UBE2A: variants seen among roughly 807,000 people sequenced by gnomAD.
UBE2A encodes ubiquitin-conjugating enzyme E2 A.
For missense variants in UBE2A, 27 were observed against 125.8 expected (o/e 0.21, Z 3.76); for synonymous variants, 39 against 41.1 (o/e 0.95, Z 0.20).
In UBE2A at chrX:119,583,180, G is replaced by C; in HGVS notation, c.384G>C (p.Gln128His). ...PNSPANSQAA[Q>H]LYQENKREYE... The stretch of plus-strand genomic sequence containing the variant: ...GTCCAGCAAACAGCCAGGCTGCTCA[G>C]CTGTACCAGGAGAACAAACGGGAAT... Residue 128 changes from glutamine to histidine, a missense_variant, in exon 6 of 6, where the codon CAG becomes CAC. Coordinates refer to ENST00000371558, the MANE Select transcript of UBE2A (RefSeq NM_003336.4). 1.7e-6 allele frequency: 2 copies of C among 1,211,828 alleles called. No individual in the cohort carries two copies. Among genetic ancestry groups the C allele is most frequent in the Non-Finnish European group, 2.2e-6 (2 of 895,515 alleles).
Position 119,583,284 on chromosome X carries a change from A to T in UBE2A, c.*29A>T. ...CGGGTACAGTTTAAAGAAGCTGGCC[A>T]TAAGAAAAATATATATTGATGTGTT... On this transcript the variant is annotated 3_prime_UTR_variant, in exon 6 of 6. Transcript: ENST00000371558. 8.3e-7 allele frequency: 1 copy of T among 1,210,481 alleles called. No individual in the cohort carries two copies. Among genetic ancestry groups the T allele is most frequent in the Non-Finnish European group, 1.1e-6 (1 of 894,623 alleles).
intron 3 of UBE2A, 65 bp from the exon 4 acceptor site, chrX:119,581,442 A>G: frequency 1.1e-6 from 1 of 882,094 alleles, no homozygotes; most frequent in Non-Finnish European, 1.7e-6. Flanking sequence ...CATAGCATTA[A>G]AAACAAAGTA....
intron 3 of UBE2A, among the ~76,000 whole-genome samples, chrX:119,579,110 G>C (rs2053435483): frequency 8.9e-6 from 1 of 112,164 alleles, no homozygotes; most frequent in Non-Finnish European, 1.9e-5. Flanking sequence ...CCTTGAATAA[G>C]ATTTGGGTTG....
Position 119,574,564 on chromosome X carries a change from G to A in UBE2A, c.-148G>A, listed in dbSNP as rs1377989310. 3.6e-5 allele frequency: 29 copies of A among 807,661 alleles called. No homozygotes were observed. The highest frequency in any genetic ancestry group is 4.9e-5 in the Non-Finnish European group (27 of 555,715). 66.6% of individuals were successfully genotyped at this position (807,661 alleles called of 1,213,427 possible). On this transcript the variant is annotated 5_prime_UTR_variant, in exon 1 of 6. Coordinates refer to ENST00000371558, the MANE Select transcript of UBE2A (RefSeq NM_003336.4). The stretch of plus-strand genomic sequence containing the variant: ...CTGGGGTGGTGCTTAGCCGGCGCCA[G>A]ACCGACCCTCGACTTCGGAGAGGCA...
In UBE2A at chrX:119,580,185, GTCTC is replaced by G. The variant is rs777753987; in HGVS notation, c.152-1320_152-1317del. The G allele has an allele frequency of 2.8e-4, 31 of 111,812 alleles. No homozygotes were observed. The East Asian group carries it at 7.2e-3, about 26-fold the overall frequency. The allele number at this position is 111,812 out of a possible 1,213,427, so 9.2% of individuals were successfully genotyped here. A position where few individuals can be genotyped will look rare whatever the true frequency, so the allele number is the denominator to read the frequency against. ...GTAACAATAATTTGAGGAATATAAT[GTCTC>G]TGTATGTTGCATTTTATATTATTTT... On this transcript the variant is annotated intron_variant, in intron 3 of 5. Coordinates refer to ENST00000371558, the MANE Select transcript of UBE2A (RefSeq NM_003336.4).
chrX:119,584,411 C>A lies in UBE2A; in HGVS notation c.*1156C>A, dbSNP rs2053474317. 9.7e-6 allele frequency: 1 copy of A among 103,308 alleles called. No individual in the cohort carries two copies. 8.5% of individuals were successfully genotyped at this position (103,308 alleles called of 1,213,427 possible). Reference sequence around the variant, plus strand: ...TTTCAAAAGTTGTAAATAAAAATAACCTTAAAATTTCATAGTCAAGGTATC... The same window carrying A: ...TTTCAAAAGTTGTAAATAAAAATAAACTTAAAATTTCATAGTCAAGGTATC... On this transcript the variant is annotated 3_prime_UTR_variant, in exon 6 of 6. Coordinates refer to ENST00000371558, the MANE Select transcript of UBE2A (RefSeq NM_003336.4).
rs138990068 is a variant in UBE2A at position 119,576,262 on chromosome X, A to G, written c.151+862A>G. Among the ~76,000 whole-genome samples, 69 of 111,603 alleles carry G rather than the reference A, an allele frequency of 6.2e-4. 1 individual carries two copies. In the East Asian group the frequency reaches 0.018, roughly 29 times the overall value. On this transcript the variant is annotated intron_variant, in intron 3 of 5. Coordinates refer to ENST00000371558, the MANE Select transcript of UBE2A (RefSeq NM_003336.4). ...TACCCTTAACCCAGTCCTCTACCCA[A>G]ACCCTCCCATTTGGTAACATCTTGA...
At chrX:119,581,406 C>A in intron 3 of UBE2A, 101 bp from the exon 4 acceptor site, 1 of 575,094 alleles carries the variant, frequency 1.7e-6, no homozygotes, top group Non-Finnish European at 2.9e-6. Flanking sequence ...TGTATCTTTG[C>A]ATTATTTAAT....
intron 2 of UBE2A, 162 bp downstream of exon 2, chrX:119,575,143 G>T: frequency 1.3e-6 from 1 of 787,906 alleles, no homozygotes; most frequent in Non-Finnish European, 1.9e-6. Flanking sequence ...GATTAGCTCA[G>T]TTCCCGCTGC....
In UBE2A at chrX:119,582,687, C is replaced by T; in HGVS notation, c.330+11C>T. On this transcript the variant is annotated intron_variant, in intron 5 of 5. Coordinates refer to ENST00000371558, the MANE Select transcript of UBE2A (RefSeq NM_003336.4). ...CTAACATCCATACAGGTGAATTTTT[C>T]CTTAATGTGACGAACTATAACTTTT... The T allele has an allele frequency of 8.7e-7, 1 of 1,155,143 alleles. No homozygotes were observed. The highest frequency in any genetic ancestry group is 1.2e-6 in the Non-Finnish European group (1 of 844,740).
chrX:119,575,543 G>A, intron 3 of UBE2A, 143 bp downstream of exon 3: 1 of 745,947 alleles, frequency 1.3e-6, no homozygotes, highest in Non-Finnish European at 2.1e-6. Flanking sequence ...AATGCAGTGT[G>A]TGGCTGGTGG....
rs1332062396 is a variant in UBE2A, at chrX:119,583,279, T to C, written c.*24T>C. ...GACCCCGGGTACAGTTTAAAGAAGC[T>C]GGCCATAAGAAAAATATATATTGAT... On this transcript the variant is annotated 3_prime_UTR_variant, in exon 6 of 6. Transcript: ENST00000371558. 1 of 1,209,292 alleles carries C rather than the reference T, an allele frequency of 8.3e-7. No individual in the cohort carries two copies. Among genetic ancestry groups the C allele is most frequent in the Non-Finnish European group, 1.1e-6 (1 of 894,903 alleles).
In UBE2A at chrX:119,575,586, C is replaced by T. The variant is rs1162518693; in HGVS notation, c.151+186C>T. The T allele has an allele frequency of 6.2e-6, 3 of 487,196 alleles. No homozygotes were observed. The East Asian group carries it at 1.1e-4, about 18-fold the overall frequency. The allele number at this position is 487,196 out of a possible 1,213,427, so 40.2% of individuals were successfully genotyped here. A position where few individuals can be genotyped will look rare whatever the true frequency, so the allele number is the denominator to read the frequency against. ...TATTGTATGCTTGACTAGAACTGCA[C>T]CTTTCTTCTTGCTTTCTTAAAAAAA... On this transcript the variant is annotated intron_variant, in intron 3 of 5. Coordinates refer to ENST00000371558, the MANE Select transcript of UBE2A (RefSeq NM_003336.4).
intron 3 of UBE2A, among the ~76,000 whole-genome samples, chrX:119,578,004 A>G (rs1158028221): frequency 2.7e-5 from 3 of 111,310 alleles, no homozygotes; most frequent in African/African-American, 9.8e-5. Context: ...GAAAAGACTG[A>G]TTAGGGATAA....
At chrX:119,579,289 C>T (rs1268346198) in intron 3 of UBE2A, among the ~76,000 whole-genome samples, 1 of 111,886 alleles carries the variant, frequency 8.9e-6, no homozygotes, top group Non-Finnish European at 1.9e-5. Context: ...TTGTGAGCCA[C>T]CAATATAGGT....
In UBE2A at chrX:119,584,375, A is replaced by T. The variant is rs1194138775; in HGVS notation, c.*1120A>T. On this transcript the variant is annotated 3_prime_UTR_variant, in exon 6 of 6. Coordinates refer to ENST00000371558, the MANE Select transcript of UBE2A (RefSeq NM_003336.4). ...TTGCACAAGTAACCCATGTAAAAAA[A>T]AATGTACATTTTTCAAAAGTTGTAA... 9.0e-6 allele frequency: 1 copy of T among 111,344 alleles called. No individual in the cohort carries two copies. The highest frequency in any genetic ancestry group is 1.9e-5 in the Non-Finnish European group (1 of 53,021). 9.2% of individuals were successfully genotyped at this position (111,344 alleles called of 1,213,427 possible).
chrX:119,577,497 A>G (rs1314656345), intron 3 of UBE2A, among the ~76,000 whole-genome samples: 1 of 110,336 alleles, frequency 9.1e-6, no homozygotes, highest in Non-Finnish European at 1.9e-5. Flanking sequence ...ATTTTTGATG[A>G]TGTGTATCTC....
chrX:119,575,315 A>G, intron 2 of UBE2A, 60 bp from the exon 3 acceptor site: 1 of 1,203,770 alleles, frequency 8.3e-7, no homozygotes, highest in Non-Finnish European at 1.1e-6. Flanking sequence ...GCCATCTCAG[A>G]TGAAGCAGGG....
intron 3 of UBE2A, 106 bp downstream of exon 3, chrX:119,575,506 G>A (rs755104356): frequency 2.4e-4 from 246 of 1,037,138 alleles, no homozygotes; most frequent in Non-Finnish European, 3.2e-4. Flanking sequence ...CCTCTGCCTA[G>A]CCTCTGTCTG....
Sources: gnomAD v4.1 joint callset for allele counts (sites outside exome capture counted in the v4.1 genomes callset) on GRCh38, gnomAD v4.1.1 for gene constraint, MANE v1.5 for transcripts, NCBI Gene and HGNC (gene_info 2026-07-23, HGNC 2026-07-21) for gene names.